The following SNX21 variants were observed in gnomAD, a reference collection of about 807,000 sequenced individuals.
SNX21 encodes sorting nexin family member 21.
SNX21 carries 36 observed loss-of-function variants against 30.9 expected under a neutral mutation model. The ratio of observed to expected loss-of-function variants is 1.16; its 90% CI spans 0.89 to 1.54. The LOEUF (loss-of-function observed/expected upper bound fraction) is 1.54, where lower values mean the gene tolerates loss of function less well. Ranked by LOEUF, SNX21 falls within the 40% of genes most tolerant of loss-of-function variation. SNX21 has a pLI of 0.00. For missense variants in SNX21, 508 were observed against 516.5 expected (o/e 0.98, Z 0.16); for synonymous variants, 218 against 222.7 (o/e 0.98, Z 0.19).
In SNX21 at chr20:45,841,013, C is replaced by T. The variant is rs1420405582; in HGVS notation, c.822C>T (p.Gly274=). 8 of 1,609,460 alleles carry T rather than the reference C, an allele frequency of 5.0e-6. No individual in the cohort carries two copies. The African/African-American group carries it at 5.3e-5, about 11-fold the overall frequency. ...ANAWQLQAQL[G]TPSGPDRPLL... ...CCTGGCAGCTGCAAGCCCAGCTGGG[C>T]ACCCCCTCTGGCCCAGACCGCCCCC... The change falls in exon 4 of 4, where the codon GGC becomes GGT. Residue 274 remains glycine (G), a synonymous_variant. Transcript: ENST00000491381.
Position 45,842,490 on chromosome 20 carries a change from CA to C in SNX21, c.*1178del. 1 of 1,023,628 alleles carries C rather than the reference CA, an allele frequency of 9.8e-7. No individual in the cohort carries two copies. The highest frequency in any genetic ancestry group is 4.0e-5 in the South Asian group (1 of 25,276). 63.4% of individuals were successfully genotyped at this position (1,023,628 alleles called of 1,614,324 possible). ...AGTGGTAATTCATGAAAAATATCCCCACTACCACCACCAAGGGGAAGAAAGG... is the reference window on the plus strand; with the variant it reads ...AGTGGTAATTCATGAAAAATATCCCCCTACCACCACCAAGGGGAAGAAAGG... On this transcript the variant is annotated 3_prime_UTR_variant, in exon 4 of 4. Coordinates refer to ENST00000491381, the MANE Select transcript of SNX21 (RefSeq NM_033421.4).
chr20:45,840,774 T>C lies in SNX21; in HGVS notation c.583T>C (p.Phe195Leu). Residue 195 changes from phenylalanine (F) to leucine (L), a missense_variant, in exon 4 of 4, where the codon TTC becomes CTC. By Grantham distance (22) the Phe-to-Leu change is conservative. Transcript: ENST00000491381. ...CCGGGGCCCAATGGCTGCCATCTCC[T>C]TCCCCCGTAAGCGGCTGCGCCGGAA... ...QFRGPMAAIS[F>L]PRKRLRRNFT... is the part of the protein sequence containing the mutation. 1 of 1,614,040 alleles carries C rather than the reference T, an allele frequency of 6.2e-7. No homozygotes were observed. The highest frequency in any genetic ancestry group is 8.5e-7 in the Non-Finnish European group (1 of 1,180,024).
At chr20:45,839,027 G>A (rs1187888564) in intron 3 of SNX21, among the ~76,000 whole-genome samples, 6 of 151,726 alleles carry the variant, frequency 4.0e-5, no homozygotes, top group Non-Finnish European at 8.8e-5. Context: ...CCAAGTAGCT[G>A]GGATTACAGG....
At position 45,843,156 on chromosome 20, in the gene SNX21, C is replaced by CT; in HGVS notation, c.*1844dup. The CT allele has an allele frequency of 1.5e-6, 1 of 668,746 alleles. No homozygotes were observed. The highest frequency in any genetic ancestry group is 2.1e-6 in the Non-Finnish European group (1 of 465,678). The allele number at this position is 668,746 out of a possible 1,614,324, so 41.4% of individuals were successfully genotyped here. A position where few individuals can be genotyped will look rare whatever the true frequency, so the allele number is the denominator to read the frequency against. On this transcript the variant is annotated 3_prime_UTR_variant, in exon 4 of 4. Coordinates refer to ENST00000491381, the MANE Select transcript of SNX21 (RefSeq NM_033421.4). ...TGAAAAGGCATCCCCAAATGGCAGT[C>CT]TGATGGACTGCGGGTTTGGATACCA...
At chr20:45,836,515 AAAT>A (rs1208234027) in intron 3 of SNX21, among the ~76,000 whole-genome samples, 8,843 of 143,812 alleles carry the variant, frequency 0.061, 359 homozygotes, top group Middle Eastern at 0.08. Flanking sequence ...AAAAAAAAAA[AAAT>A]TTTGAGACAG....
rs1007087232 is a variant in SNX21 at position 45,842,163 on chromosome 20, G to T, written c.*850G>T. The T allele has an allele frequency of 2.2e-5, 33 of 1,520,084 alleles. 1 individual carries two copies. The Middle Eastern group carries it at 7.0e-4, about 32-fold the overall frequency. The allele number at this position is 1,520,084 out of a possible 1,614,324, so 94.2% of individuals were successfully genotyped here. On this transcript the variant is annotated 3_prime_UTR_variant, in exon 4 of 4. Transcript: ENST00000491381. ...ACCTCCAAGTGGACTTCTTGCAAAG[G>T]GTCTGGCCCAGGGCAGGGCTGCCCC...
rs1568723752 is a variant in SNX21 at position 45,833,911 on chromosome 20, C to A, written c.-9C>A. The A allele has an allele frequency of 7.2e-7, 1 of 1,383,188 alleles. No individual in the cohort carries two copies. Among genetic ancestry groups the A allele is most frequent in the South Asian group, 1.7e-5 (1 of 57,376 alleles). The allele number at this position is 1,383,188 out of a possible 1,614,324, so 85.7% of individuals were successfully genotyped here. ...GCACCCGGACCCCTGGGGCGCGGCG[C>A]GCCCCTGAATGCACCGTGGGACGCA... On this transcript the variant is annotated 5_prime_UTR_variant, in exon 1 of 4. Transcript: ENST00000491381.
Position 45,841,331 on chromosome 20 carries a change from G to A in SNX21, c.*18G>A, listed in dbSNP as rs769063016. ...TGGACTAACCCTTGCCTAGATTTAA[G>A]GCCACTGTGAGGAGAGGGGTTGCCC... On this transcript the variant is annotated 3_prime_UTR_variant, in exon 4 of 4. Transcript: ENST00000491381. 2 of 1,528,490 alleles carry A rather than the reference G, an allele frequency of 1.3e-6. No homozygotes were observed. Among genetic ancestry groups the A allele is most frequent in the South Asian group, 2.6e-5 (2 of 76,596 alleles). The allele number at this position is 1,528,490 out of a possible 1,614,324, so 94.7% of individuals were successfully genotyped here. A position where few individuals can be genotyped will look rare whatever the true frequency, so the allele number is the denominator to read the frequency against.
chr20:45,839,714 AC>A (rs557429567), intron 3 of SNX21, among the ~76,000 whole-genome samples: 106 of 138,852 alleles, frequency 7.6e-4, no homozygotes, highest in Middle Eastern at 3.7e-3. Context: ...ACATAGTGAG[AC>A]CCCCCCTCAT....
chr20:45,834,949 G>A lies in SNX21; in HGVS notation c.290-10G>A, dbSNP rs1214314513. On this transcript the variant is annotated splice_polypyrimidine_tract_variant and intron_variant, in intron 2 of 3. Transcript: ENST00000491381. The stretch of plus-strand genomic sequence containing the variant: ...TAGGCCCATTGATATGACTGGTCAT[G>A]TGTCTGCAGAACGGAGCCCCCCACC... 1.9e-6 allele frequency: 3 copies of A among 1,612,210 alleles called. No individual in the cohort carries two copies. In the South Asian group the frequency reaches 3.3e-5, roughly 18 times the overall value.
Position 45,841,719 on chromosome 20 carries a change from A to G in SNX21, c.*406A>G. 1 of 1,431,560 alleles carries G rather than the reference A, an allele frequency of 7.0e-7. No homozygotes were observed. Among genetic ancestry groups the G allele is most frequent in the Non-Finnish European group, 9.1e-7 (1 of 1,098,538 alleles). The allele number at this position is 1,431,560 out of a possible 1,614,324, so 88.7% of individuals were successfully genotyped here. ...GGCCCAGGGGAATTAAAAGCCAGCC[A>G]CTCCAGTGGTATCAGTCTCTTTATT... On this transcript the variant is annotated 3_prime_UTR_variant, in exon 4 of 4. Transcript: ENST00000491381.
rs1448692445 is a variant in SNX21 at position 45,842,726 on chromosome 20, CAG to C, written c.*1418_*1419del. ...AGTTTTCCAGACCAGGACTGAAATC[CAG>C]AGAGGGTCAGGAATTTGGCCCCATG... On this transcript the variant is annotated 3_prime_UTR_variant, in exon 4 of 4. Transcript: ENST00000491381. The C allele has an allele frequency of 1.0e-5, 10 of 989,084 alleles. No individual in the cohort carries two copies. The highest frequency in any genetic ancestry group is 1.7e-5 in the African/African-American group (1 of 57,232). 61.3% of individuals were successfully genotyped at this position (989,084 alleles called of 1,614,324 possible).
intron 3 of SNX21, chr20:45,840,404 CTG>C (rs1462442989): frequency 6.2e-7 from 1 of 1,614,220 alleles, no homozygotes; most frequent in Non-Finnish European, 8.5e-7. Context: ...AAGCTCATCT[CTG>C]TCTTTCTCTC....
Position 45,833,861 on chromosome 20 carries a change from C to T in SNX21, c.-59C>T, listed in dbSNP as rs868290002. 5.0e-5 allele frequency: 65 copies of T among 1,298,834 alleles called. 1 individual carries two copies. The highest frequency in any genetic ancestry group is 2.9e-4 in the South Asian group (12 of 40,704). 80.5% of individuals were successfully genotyped at this position (1,298,834 alleles called of 1,614,324 possible). ...CCGGCGGAGCCCTGCAGAACCCGGC[C>T]GACCTCCATGGGCTGCGGGGGGCTG... On this transcript the variant is annotated 5_prime_UTR_variant, in exon 1 of 4. Coordinates refer to ENST00000491381, the MANE Select transcript of SNX21 (RefSeq NM_033421.4).
At chr20:45,836,490 CAAAAAAAAAAAAAAA>C (rs74176824) in intron 3 of SNX21, among the ~76,000 whole-genome samples, 2 of 51,334 alleles carry the variant, frequency 3.9e-5, no homozygotes, top group East Asian at 7.1e-4. Flanking sequence ...GACTCCGTCT[CAAAAAAAAAAAAAAA>C]AAAAAAAAAA....
In SNX21 at chr20:45,841,464, C is replaced by A; in HGVS notation, c.*151C>A. 2 of 1,413,236 alleles carry A rather than the reference C, an allele frequency of 1.4e-6. No homozygotes were observed. The highest frequency in any genetic ancestry group is 1.7e-5 in the South Asian group (1 of 59,042). The allele number at this position is 1,413,236 out of a possible 1,614,324, so 87.5% of individuals were successfully genotyped here. The stretch of plus-strand genomic sequence containing the variant: ...GAGAATGTGAAGCAGATCAAGGAAA[C>A]TTCTGTTGAGCTAGGCTCAGGGTGA... On this transcript the variant is annotated 3_prime_UTR_variant, in exon 4 of 4. Transcript: ENST00000491381.
In SNX21 at chr20:45,841,926, A is replaced by G; in HGVS notation, c.*613A>G. 1 of 1,613,058 alleles carries G rather than the reference A, an allele frequency of 6.2e-7. No homozygotes were observed. The highest frequency in any genetic ancestry group is 8.5e-7 in the Non-Finnish European group (1 of 1,179,922). ...AGCTAGGACTCCATCCTGACGCCAC[A>G]GCCGCCCATGGACCAGCCCCCGAGA... On this transcript the variant is annotated 3_prime_UTR_variant, in exon 4 of 4. Transcript: ENST00000491381.
At position 45,840,806 on chromosome 20, in the gene SNX21, T is replaced by G. The variant is rs749225472; in HGVS notation, c.615T>G (p.Thr205=). Residue 205 remains threonine (T), a synonymous_variant, in exon 4 of 4, where the codon ACT becomes ACG. Transcript: ENST00000491381. ...FPRKRLRRNF[T]AETIARRSRA... is the part of the protein sequence containing the mutation. ...GTAAGCGGCTGCGCCGGAATTTTAC[T>G]GCAGAGACCATTGCCCGCCGTAGCC... is the stretch of plus-strand genomic sequence containing the variant. 83 of 1,613,828 alleles carry G rather than the reference T, an allele frequency of 5.1e-5. No homozygotes were observed. Among genetic ancestry groups the G allele is most frequent in the Non-Finnish European group, 6.4e-5 (75 of 1,180,050 alleles).
chr20:45,842,545 G>C lies in SNX21; in HGVS notation c.*1232G>C. The C allele has an allele frequency of 1.0e-6, 1 of 1,002,942 alleles. No individual in the cohort carries two copies. The highest frequency in any genetic ancestry group is 1.2e-6 in the Non-Finnish European group (1 of 840,548). 62.1% of individuals were successfully genotyped at this position (1,002,942 alleles called of 1,614,324 possible). ...CAGAAGAGAGGACTTGAGGCCATGA[G>C]GTCTGGCCTCTTCCCTCCCCATCTG... On this transcript the variant is annotated 3_prime_UTR_variant, in exon 4 of 4. Coordinates refer to ENST00000491381, the MANE Select transcript of SNX21 (RefSeq NM_033421.4).
Sources: gnomAD v4.1 joint callset for allele counts (sites outside exome capture counted in the v4.1 genomes callset) on GRCh38, gnomAD v4.1.1 for gene constraint, MANE v1.5 for transcripts, NCBI Gene and HGNC (gene_info 2026-07-23, HGNC 2026-07-21) for gene names.